Variants in PRKG1 observed in about 807,000 individuals in gnomAD.
PRKG1 encodes protein kinase cGMP-dependent 1, also known as cGMP-dependent protein kinase 1.
PRKG1 carries 35 observed loss-of-function variants against 88.1 expected under a neutral mutation model. The observed-to-expected ratio is 0.40, with a 90% CI of 0.30 to 0.53. PRKG1 has a LOEUF of 0.53. Among genes scored for constraint, PRKG1 ranks in the 20% least tolerant of loss-of-function variants. The probability of loss-of-function intolerance (pLI) is 0.59; values close to 1 mark genes in which losing one functional copy is unlikely to be tolerated. For synonymous variants in PRKG1, 303 were observed against 292.5 expected, an observed-to-expected ratio of 1.04 and a Z score of -0.37; for missense variants, 540 against 839.8, an observed-to-expected ratio of 0.64 and a Z score of 4.41.
chr10:51,459,038 AAGATACATGCAAATTCCTG>A (rs1036852006), intron 2 of PRKG1, among the ~76,000 whole-genome samples: 1 of 152,136 alleles, frequency 6.6e-6, no homozygotes, highest in African/African-American at 2.4e-5. Flanking sequence ...AAATGACCTT[AAGATACATGCAAATTCCTG>A]AGTCCTTAGT....
intron 5 of PRKG1, among the ~76,000 whole-genome samples, chr10:51,968,593 C>T (rs1420942634): frequency 7.2e-5 from 11 of 151,974 alleles, no homozygotes; most frequent in African/African-American, 2.7e-4. Context: ...GAGGCTGAGG[C>T]AGGCAGATCA....
intron 2 of PRKG1, among the ~76,000 whole-genome samples, chr10:51,161,983 A>C (rs1214089587): frequency 2.0e-5 from 3 of 152,232 alleles, no homozygotes; most frequent in South Asian, 2.1e-4. Context: ...CATGCTGAAC[A>C]CTTCACACAA....
chr10:51,958,996 C>T (rs762688316), intron 5 of PRKG1, among the ~76,000 whole-genome samples: 2 of 152,118 alleles, frequency 1.3e-5, no homozygotes, highest in African/African-American at 2.4e-5. Context: ...CTCACTTTGT[C>T]CTCACAGCAG....
chr10:51,229,588 T>C (rs979588670), intron 2 of PRKG1, among the ~76,000 whole-genome samples: 3 of 152,154 alleles, frequency 2.0e-5, no homozygotes, highest in African/African-American at 7.2e-5. Context: ...TCTCCAAGAC[T>C]CAGTTTCCCT....
chr10:51,393,162 G>T (rs1028358841), intron 2 of PRKG1, among the ~76,000 whole-genome samples: 4 of 149,028 alleles, frequency 2.7e-5, no homozygotes, highest in Non-Finnish European at 6.0e-5. Flanking sequence ...GGGCAGAGAC[G>T]CTCCTCACCT....
chr10:52,142,972 CGAAT>C (rs1182539705), intron 8 of PRKG1, among the ~76,000 whole-genome samples: 1 of 151,932 alleles, frequency 6.6e-6, no homozygotes, highest in African/African-American at 2.4e-5. Flanking sequence ...TTGAAATGAA[CGAAT>C]GAATGAATGG....
At chr10:51,873,000 A>G (rs1201705015) in intron 4 of PRKG1, among the ~76,000 whole-genome samples, 2 of 152,198 alleles carry the variant, frequency 1.3e-5, no homozygotes, top group African/African-American at 4.8e-5. Flanking sequence ...TCAAGCCTAT[A>G]TAGTTATATC....
At chr10:51,126,285 TTA>T (rs1326246692) in intron 1 of PRKG1, among the ~76,000 whole-genome samples, 7 of 112,666 alleles carry the variant, frequency 6.2e-5, no homozygotes, top group Non-Finnish European at 9.8e-5. Flanking sequence ...ATTTATATAT[TTA>T]TATATAAATA....
At chr10:51,810,908 A>G (rs1410512458) in intron 4 of PRKG1, among the ~76,000 whole-genome samples, 1 of 152,152 alleles carries the variant, frequency 6.6e-6, no homozygotes, top group Non-Finnish European at 1.5e-5. Context: ...CTGTCACTGG[A>G]TGGGATCTAC....
At chr10:51,410,112 A>G (rs1838038148) in intron 2 of PRKG1, among the ~76,000 whole-genome samples, 3 of 151,926 alleles carry the variant, frequency 2.0e-5, no homozygotes. Flanking sequence ...GGGTACTCCT[A>G]GTACCAAAAT....
At chr10:51,897,304 A>T (rs1262768058) in intron 4 of PRKG1, among the ~76,000 whole-genome samples, 1 of 152,204 alleles carries the variant, frequency 6.6e-6, no homozygotes, top group Non-Finnish European at 1.5e-5. Flanking sequence ...ACAGAAATAA[A>T]CAATACTTGT....
At chr10:51,675,308 A>G (rs1840681972) in intron 3 of PRKG1, among the ~76,000 whole-genome samples, 1 of 152,216 alleles carries the variant, frequency 6.6e-6, no homozygotes. Flanking sequence ...TAGCATACTT[A>G]TACTGGCACA....
Position 51,420,247 on chromosome 10 carries a change from ATAGTAT to A in PRKG1, c.479-47467_479-47462del, listed in dbSNP as rs530773646. Among the ~76,000 whole-genome samples the A allele has an allele frequency of 3.3e-4, 50 of 152,252 alleles. No homozygotes were observed. The East Asian group carries it at 8.5e-3, about 26-fold the overall frequency. On this transcript the variant is annotated intron_variant, in intron 2 of 17. Coordinates refer to ENST00000373980, the MANE Select transcript of PRKG1 (RefSeq NM_006258.4). ...TGGGTGCCACACACTTTTAAATGAC[ATAGTAT>A]TAGTATTACTATCTGAATAGACCTC...
intron 5 of PRKG1, among the ~76,000 whole-genome samples, chr10:52,031,779 G>A (rs1194757972): frequency 6.6e-6 from 1 of 152,158 alleles, no homozygotes; most frequent in Non-Finnish European, 1.5e-5. Context: ...AATGATAGAA[G>A]CTGCAATTAT....
chr10:51,458,547 A>G (rs1839656021), intron 2 of PRKG1, among the ~76,000 whole-genome samples: 1 of 152,100 alleles, frequency 6.6e-6, no homozygotes, highest in Non-Finnish European at 1.5e-5. Context: ...CATAAATTTT[A>G]TATATTAATA....
intron 3 of PRKG1, among the ~76,000 whole-genome samples, chr10:51,718,033 AT>A (rs1388313889): frequency 6.6e-6 from 1 of 152,036 alleles, no homozygotes; most frequent in East Asian, 1.9e-4. Flanking sequence ...ACATTTAATT[AT>A]TTCTTGTGCA....
intron 4 of PRKG1, among the ~76,000 whole-genome samples, chr10:51,842,748 A>G (rs922283741): frequency 6.6e-6 from 1 of 152,108 alleles, no homozygotes; most frequent in African/African-American, 2.4e-5. Context: ...GCTTTTCTCA[A>G]TCTGTATCTA....
rs1265148747 is a variant in PRKG1 at position 51,820,183 on chromosome 10, T to C, written c.698+15493T>C. Among the ~76,000 whole-genome samples the C allele has an allele frequency of 2.6e-5, 4 of 152,312 alleles. No individual in the cohort carries two copies. In the South Asian group the frequency reaches 8.3e-4, roughly 32 times the overall value. The stretch of plus-strand genomic sequence containing the variant: ...GTACAACTGTTATATGCAACTATTT[T>C]CCTGTTTATGTGCAACTTTTAACCT... On this transcript the variant is annotated intron_variant, in intron 4 of 17. Transcript: ENST00000373980.
chr10:51,886,597 T>C (rs1005881328), intron 4 of PRKG1, among the ~76,000 whole-genome samples: 3 of 152,190 alleles, frequency 2.0e-5, no homozygotes, highest in African/African-American at 7.2e-5. Flanking sequence ...CTGCTTCTAT[T>C]TGGGTGACTA....
Sources: gnomAD v4.1 joint callset for allele counts (sites outside exome capture counted in the v4.1 genomes callset) on GRCh38, gnomAD v4.1.1 for gene constraint, MANE v1.5 for transcripts, NCBI Gene and HGNC (gene_info 2026-07-23, HGNC 2026-07-21) for gene names.